TEX11: variants seen among roughly 807,000 people sequenced by gnomAD.
TEX11 encodes the protein testis expressed 11.
TEX11 carries 7 observed loss-of-function variants against 84.4 expected under a neutral mutation model. The observed-to-expected ratio is 0.08, with a 90% CI of 0.05 to 0.16. The LOEUF (loss-of-function observed/expected upper bound fraction) is 0.16. TEX11 is among the 10% of genes least tolerant of loss of function. TEX11 has a pLI of 1.00. For missense variants in TEX11, 551 were observed against 660.5 expected, an observed-to-expected ratio of 0.83 and a Z score of 1.82; for synonymous variants, 264 against 222.8, an observed-to-expected ratio of 1.18 and a Z score of -1.64.
intron 25 of TEX11, among the ~76,000 whole-genome samples, chrX:70,587,962 C>T (rs2088876553): frequency 8.9e-6 from 1 of 112,542 alleles, no homozygotes; most frequent in Non-Finnish European, 1.9e-5. Context: ...AGATTTGATG[C>T]CCTGCTGGAT....
At chrX:70,839,277 C>T (rs1170206074) in intron 7 of TEX11, among the ~76,000 whole-genome samples, 3 of 111,497 alleles carry the variant, frequency 2.7e-5, no homozygotes, top group Non-Finnish European at 5.7e-5. Context: ...GGCCGGGTAC[C>T]CCTCTGAGAC....
intron 28 of TEX11, among the ~76,000 whole-genome samples, chrX:70,546,712 A>T (rs1234830360): frequency 9.0e-6 from 1 of 111,383 alleles, no homozygotes; most frequent in Non-Finnish European, 1.9e-5. Context: ...GATGAACAAT[A>T]GCAAGTGTTG....
chrX:70,640,486 A>T (rs1261957783), intron 17 of TEX11, among the ~76,000 whole-genome samples: 5 of 110,045 alleles, frequency 4.5e-5, no homozygotes, highest in Non-Finnish European at 7.6e-5. Flanking sequence ...CCAAAGTTGA[A>T]ATGAAGGAAA....
chrX:70,710,698 T>C (rs928382736), intron 13 of TEX11, among the ~76,000 whole-genome samples: 13 of 110,833 alleles, frequency 1.2e-4, no homozygotes, highest in Non-Finnish European at 2.5e-4. Context: ...CATCTTAACA[T>C]GATCTTCAGC....
At chrX:70,792,315 AATATATATATATATATATATAT>A (rs1556087562) in intron 9 of TEX11, among the ~76,000 whole-genome samples, 1 of 14,914 alleles carries the variant, frequency 6.7e-5, no homozygotes, top group Non-Finnish European at 1.0e-4. Flanking sequence ...AAAAAAAAAA[AATATATATATATATATATATAT>A]ATATATATAT....
intron 7 of TEX11, among the ~76,000 whole-genome samples, chrX:70,848,999 C>G (rs2091493688): frequency 8.9e-6 from 1 of 112,050 alleles, no homozygotes; most frequent in Non-Finnish European, 1.9e-5. Flanking sequence ...ACACCAAGAT[C>G]TATAGTTATT....
chrX:70,741,099 A>C (rs1244315743), intron 10 of TEX11, among the ~76,000 whole-genome samples: 1 of 111,464 alleles, frequency 9.0e-6, no homozygotes, highest in African/African-American at 3.3e-5. Flanking sequence ...CCCTTTTAAA[A>C]TAAGGAAACT....
chrX:70,718,827 C>T (rs2090530635), intron 13 of TEX11, among the ~76,000 whole-genome samples: 1 of 111,555 alleles, frequency 9.0e-6, no homozygotes, highest in Non-Finnish European at 1.9e-5. Context: ...GGCCCTCTGA[C>T]CTTAGCTGAG....
chrX:70,729,881 A>C (rs1474550103), intron 11 of TEX11, among the ~76,000 whole-genome samples: 7 of 112,182 alleles, frequency 6.2e-5, no homozygotes. Flanking sequence ...GTTGAAATGA[A>C]GGAAAAAATG....
chrX:70,859,286 G>T (rs1201475364), intron 5 of TEX11, among the ~76,000 whole-genome samples: 1 of 109,119 alleles, frequency 9.2e-6, no homozygotes, highest in African/African-American at 3.3e-5. Flanking sequence ...AGGAGCAAGA[G>T]AACAGATAGG....
At chrX:70,638,758 G>A (rs1202485954) in intron 17 of TEX11, among the ~76,000 whole-genome samples, 3 of 92,671 alleles carry the variant, frequency 3.2e-5, no homozygotes, top group African/African-American at 8.2e-5. Context: ...CCAAGATGGC[G>A]CCACTGCATT....
chrX:70,569,795 G>T (rs1309758505), intron 25 of TEX11, among the ~76,000 whole-genome samples: 1 of 111,096 alleles, frequency 9.0e-6, no homozygotes, highest in Non-Finnish European at 1.9e-5. Context: ...ACCCAGCTGT[G>T]TGAGGTGTCA....
At chrX:70,679,526 G>A (rs1477454370) in intron 14 of TEX11, among the ~76,000 whole-genome samples, 1 of 111,305 alleles carries the variant, frequency 9.0e-6, no homozygotes, top group Admixed American at 9.4e-5. Context: ...TCCCATCTGG[G>A]AAGTGAGGAG....
chrX:70,546,830 A>T (rs1467195635), intron 28 of TEX11, among the ~76,000 whole-genome samples: 1 of 110,631 alleles, frequency 9.0e-6, no homozygotes, highest in Non-Finnish European at 1.9e-5. Flanking sequence ...ACATAGATTT[A>T]CCTGATGACC....
intron 25 of TEX11, among the ~76,000 whole-genome samples, chrX:70,584,356 T>C (rs1273057955): frequency 9.3e-6 from 1 of 107,902 alleles, no homozygotes; most frequent in Admixed American, 9.8e-5. Context: ...TTAGAAGAAA[T>C]AGAAAATCTC....
chrX:70,754,714 AC>A (rs1245777441), intron 9 of TEX11, among the ~76,000 whole-genome samples: 2 of 110,565 alleles, frequency 1.8e-5, no homozygotes, highest in African/African-American at 3.3e-5. Context: ...GTGTCACTAA[AC>A]CCCAAGTTTC....
intron 13 of TEX11, among the ~76,000 whole-genome samples, chrX:70,711,151 G>C (rs2090428456): frequency 9.0e-6 from 1 of 111,303 alleles, no homozygotes; most frequent in South Asian, 3.9e-4. Flanking sequence ...GTATTCCATG[G>C]TGTATATGTG....
chrX:70,543,219 TA>T (rs1359023532), intron 28 of TEX11, among the ~76,000 whole-genome samples: 1 of 110,438 alleles, frequency 9.1e-6, no homozygotes, highest in East Asian at 2.8e-4. Context: ...AAATAAAAAT[TA>T]AAAAATTAAA....
At chrX:70,524,562 T>C (rs2087805332), downstream of TEX11, among the ~76,000 whole-genome samples, 1 of 112,186 alleles carries the variant, frequency 8.9e-6, no homozygotes, top group African/African-American at 3.2e-5. Flanking sequence ...GGTTTTTTTG[T>C]TGTTGTTGTT....
Sources: gnomAD v4.1 joint callset for allele counts (sites outside exome capture counted in the v4.1 genomes callset) on GRCh38, gnomAD v4.1.1 for gene constraint, MANE v1.5 for transcripts, NCBI Gene and HGNC (gene_info 2026-07-23, HGNC 2026-07-21) for gene names.